Variants in NBEA observed in about 807,000 individuals in gnomAD.
NBEA encodes lysosomal-trafficking regulator 2.
A neutral mutation model predicts 343.4 loss-of-function variants in NBEA; 44 were observed. That is an observed-to-expected ratio of 0.13 (90% confidence interval 0.10 to 0.16). NBEA has a LOEUF of 0.16. NBEA is among the 10% of genes least tolerant of loss of function. NBEA has a pLI of 1.00. For synonymous variants in NBEA, 1,175 were observed against 1,238.7 expected (o/e 0.95, Z 1.08); for missense variants, 2,555 against 3,631.3 (o/e 0.70, Z 7.62).
intron 39 of NBEA, among the ~76,000 whole-genome samples, chr13:35,438,767 A>G (rs1353189030): frequency 6.6e-6 from 1 of 152,208 alleles, no homozygotes; most frequent in Non-Finnish European, 1.5e-5. Flanking sequence ...TTTTAGTATC[A>G]TAGCCTTGTC....
intron 33 of NBEA, among the ~76,000 whole-genome samples, chr13:35,228,296 G>C (rs2074774358): frequency 6.6e-6 from 1 of 151,292 alleles, no homozygotes; most frequent in Non-Finnish European, 1.5e-5. Flanking sequence ...ATTTTGTTTT[G>C]AGTTGGTAAT....
chr13:35,208,915 G>T, intron 32 of NBEA, 61 bp downstream of exon 32: 4 of 1,237,930 alleles, frequency 3.2e-6, no homozygotes, highest in South Asian at 2.0e-5. Context: ...TCATTTTTCT[G>T]CTTATTTGAT....
intron 55 of NBEA, among the ~76,000 whole-genome samples, chr13:35,661,326 A>G (rs903644820): frequency 6.6e-6 from 1 of 152,148 alleles, no homozygotes; most frequent in Admixed American, 6.5e-5. Context: ...TGGGCTCAGG[A>G]CTTCAAGAGA....
At chr13:35,172,211 G>C (rs1184003887) in intron 26 of NBEA, among the ~76,000 whole-genome samples, 1 of 151,930 alleles carries the variant, frequency 6.6e-6, no homozygotes, top group African/African-American at 2.4e-5. Flanking sequence ...TCTGATTCAA[G>C]AAAGGAACAA....
In NBEA at chr13:35,258,511, C is replaced by A. The variant is rs147561097; in HGVS notation, c.5776+25892C>A. 1.2e-4 allele frequency among the ~76,000 whole-genome samples: 18 copies of A among 148,130 alleles called. No individual in the cohort carries two copies. The East Asian group carries it at 3.3e-3, about 27-fold the overall frequency. ...TCTTATTTTTATGATCCTTAAAAACCATAAAATCTGTTCTTAATTTACTGG... is the reference window on the plus strand; with the variant it reads ...TCTTATTTTTATGATCCTTAAAAACAATAAAATCTGTTCTTAATTTACTGG... On this transcript the variant is annotated intron_variant, in intron 34 of 58. Transcript: ENST00000379939.
intron 10 of NBEA, among the ~76,000 whole-genome samples, chr13:35,097,940 T>TAC (rs2065422450): frequency 6.6e-6 from 1 of 152,114 alleles, no homozygotes; most frequent in Non-Finnish European, 1.5e-5. Context: ...AAGAATAGTA[T>TAC]GATACAGGCT....
intron 34 of NBEA, among the ~76,000 whole-genome samples, chr13:35,279,378 A>G (rs1165437371): frequency 6.6e-6 from 1 of 152,238 alleles, no homozygotes; most frequent in Non-Finnish European, 1.5e-5. Context: ...TAGAGACTAC[A>G]TTAAAACCAG....
chr13:35,655,986 C>T (rs565018426), intron 55 of NBEA, among the ~76,000 whole-genome samples: 3 of 152,286 alleles, frequency 2.0e-5, no homozygotes, highest in Non-Finnish European at 4.4e-5. Flanking sequence ...CCCAGACCCT[C>T]TGCTCAGCAG....
At chr13:35,332,563 G>A (rs2038989379) in intron 36 of NBEA, among the ~76,000 whole-genome samples, 1 of 152,096 alleles carries the variant, frequency 6.6e-6, no homozygotes, top group Non-Finnish European at 1.5e-5. Flanking sequence ...GATGTAGACA[G>A]ACATTTCTAT....
intron 38 of NBEA, among the ~76,000 whole-genome samples, chr13:35,431,386 G>A (rs890437779): frequency 2.6e-5 from 4 of 151,840 alleles, no homozygotes; most frequent in Non-Finnish European, 4.4e-5. Context: ...AAAAATTGAC[G>A]TCTTAAGCAG....
chr13:35,367,806 G>A (rs1197976632), intron 38 of NBEA, among the ~76,000 whole-genome samples: 3 of 151,302 alleles, frequency 2.0e-5, no homozygotes, highest in Non-Finnish European at 4.4e-5. Flanking sequence ...TATCACACTG[G>A]CATTTTTACA....
intron 36 of NBEA, among the ~76,000 whole-genome samples, chr13:35,321,691 C>T (rs1336288296): frequency 6.6e-6 from 1 of 151,610 alleles, no homozygotes; most frequent in East Asian, 1.9e-4. Context: ...TGAAGCTGCA[C>T]CCACAGCCGC....
chr13:35,533,823 C>T (rs73498906), intron 41 of NBEA, among the ~76,000 whole-genome samples: 3,041 of 152,254 alleles, frequency 0.02, 101 homozygotes, highest in African/African-American at 0.067. Context: ...TCATTGAGTA[C>T]TTGCTGTGTG....
intron 38 of NBEA, among the ~76,000 whole-genome samples, chr13:35,381,539 G>A (rs970413979): frequency 2.6e-5 from 4 of 151,998 alleles, no homozygotes; most frequent in Admixed American, 1.3e-4. Context: ...GGATGAAACC[G>A]CCAGGCTTCT....
chr13:35,544,990 C>A (rs2153008401), intron 41 of NBEA, among the ~76,000 whole-genome samples: 1 of 152,168 alleles, frequency 6.6e-6, no homozygotes, highest in African/African-American at 2.4e-5. Context: ...AGAAAGAAAA[C>A]AAAACCACAA....
At chr13:35,248,974 GC>G (rs2031601330) in intron 34 of NBEA, among the ~76,000 whole-genome samples, 1 of 151,844 alleles carries the variant, frequency 6.6e-6, no homozygotes, top group Non-Finnish European at 1.5e-5. Context: ...ACATGGAGAA[GC>G]CCCATCTGTA....
chr13:35,059,563 T>C lies in NBEA; in HGVS notation c.1239+700T>C, dbSNP rs1476002948. Among the ~76,000 whole-genome samples the C allele has an allele frequency of 3.9e-5, 6 of 151,976 alleles. No homozygotes were observed. The East Asian group carries it at 1.2e-3, about 29-fold the overall frequency. On this transcript the variant is annotated intron_variant, in intron 8 of 58. Coordinates refer to ENST00000379939, the MANE Select transcript of NBEA (RefSeq NM_001385012.1). The stretch of plus-strand genomic sequence containing the variant: ...CTTCGAGCTGAAAGAGAATTACACA[T>C]TATAGTCAAAGTGTTTATAATTCTG...
chr13:35,643,349 T>C (rs2084062072), intron 49 of NBEA, among the ~76,000 whole-genome samples: 1 of 152,144 alleles, frequency 6.6e-6, no homozygotes, highest in East Asian at 1.9e-4. Flanking sequence ...CGTCTTTATT[T>C]TGGGGGCTGC....
At chr13:35,233,917 A>G (rs556525692) in intron 34 of NBEA, among the ~76,000 whole-genome samples, 11 of 152,188 alleles carry the variant, frequency 7.2e-5, no homozygotes, top group Non-Finnish European at 1.2e-4. Flanking sequence ...AATAGGCCTC[A>G]TGGTAAAAGT....
Sources: allele counts gnomAD v4.1 joint callset (sites outside exome capture counted in the v4.1 genomes callset), GRCh38; gene constraint gnomAD v4.1.1; transcripts MANE v1.5; gene names NCBI Gene and HGNC (gene_info 2026-07-23, HGNC 2026-07-21).